Variants in SMG6 observed in about 807,000 individuals in gnomAD.
SMG6 encodes telomerase-binding protein EST1A.
SMG6 carries 66 observed loss-of-function variants against 142.2 expected under a neutral mutation model. The ratio of observed to expected loss-of-function variants is 0.46; its 90% CI spans 0.38 to 0.57. The LOEUF is 0.57. Ranked by LOEUF, SMG6 falls within the 20% of genes least tolerant of loss-of-function variation. SMG6 has a pLI of 0.00. For synonymous variants in SMG6, 779 were observed against 702.4 expected (o/e 1.11, Z -1.72); for missense variants, 1,793 against 1,832.0 (o/e 0.98, Z 0.39).
chr17:2,144,805 A>C (rs2151583290), intron 13 of SMG6, among the ~76,000 whole-genome samples: 1 of 152,182 alleles, frequency 6.6e-6, no homozygotes, highest in African/African-American at 2.4e-5. Flanking sequence ...ATGGTCGTAA[A>C]ATGCTCACCA....
chr17:2,272,830 C>T (rs573723619), intron 8 of SMG6, among the ~76,000 whole-genome samples: 16 of 151,450 alleles, frequency 1.1e-4, no homozygotes, highest in Non-Finnish European at 2.1e-4. Flanking sequence ...CCCAGCTACT[C>T]GGGAGGCTGA....
chr17:2,073,153 G>A lies in SMG6; in HGVS notation c.3682-4222C>T, dbSNP rs375651973. Reference sequence around the variant, plus strand: ...TGCTGGAGTGTAGTGGCGTGATCTCGGCTCACTGCAATCTCTGCCTCTCAG... The same window carrying A: ...TGCTGGAGTGTAGTGGCGTGATCTCAGCTCACTGCAATCTCTGCCTCTCAG... On this transcript the variant is annotated intron_variant, in intron 15 of 18. Coordinates refer to ENST00000263073, the MANE Select transcript of SMG6 (RefSeq NM_017575.5). 2.0e-4 allele frequency among the ~76,000 whole-genome samples: 30 copies of A among 151,980 alleles called. No individual in the cohort carries two copies. The East Asian group carries it at 4.3e-3, about 22-fold the overall frequency.
Position 2,224,711 on chromosome 17 carries a change from T to C in SMG6, c.2869+11781A>G, listed in dbSNP as rs751110974. On this transcript the variant is annotated intron_variant, in intron 10 of 18. Transcript: ENST00000263073. ...GACACTAAGAGTTTTCCAAAACTGA[T>C]AGGAAAACCAACCAACCAACCAACC... 1.1e-3 allele frequency among the ~76,000 whole-genome samples: 174 copies of C among 151,672 alleles called. 1 individual carries two copies. Among genetic ancestry groups the C allele is most frequent in the East Asian group, 1.4e-3 (7 of 5,134 alleles).
chr17:2,127,797 C>T (rs2069950125), intron 13 of SMG6: 1 of 551,864 alleles, frequency 1.8e-6, no homozygotes, highest in Non-Finnish European at 3.6e-6. Flanking sequence ...ATTCACTCTT[C>T]TCCAAAGTAA....
chr17:2,254,252 G>A (rs2074113930), intron 8 of SMG6, among the ~76,000 whole-genome samples: 2 of 152,214 alleles, frequency 1.3e-5, no homozygotes, highest in African/African-American at 4.8e-5. Flanking sequence ...AGAGAGAAGA[G>A]GAAATGGCTG....
chr17:2,264,110 T>C (rs535334226), intron 8 of SMG6, among the ~76,000 whole-genome samples: 3 of 152,000 alleles, frequency 2.0e-5, no homozygotes, highest in East Asian at 3.9e-4. Context: ...CTCCTTCCTA[T>C]AGCAGCTGCA....
intron 10 of SMG6, among the ~76,000 whole-genome samples, chr17:2,206,199 A>G (rs1449713234): frequency 6.6e-6 from 1 of 152,196 alleles, no homozygotes; most frequent in Non-Finnish European, 1.5e-5. Flanking sequence ...ATATGGTGAA[A>G]CAAAATACAT....
At chr17:2,269,152 G>A (rs546275353) in intron 8 of SMG6, among the ~76,000 whole-genome samples, 8 of 149,154 alleles carry the variant, frequency 5.4e-5, no homozygotes, top group Middle Eastern at 3.5e-3. Context: ...CCTGGGAGGC[G>A]GAGCTTGCAG....
At chr17:2,226,882 C>A (rs550673230) in intron 10 of SMG6, among the ~76,000 whole-genome samples, 1 of 152,030 alleles carries the variant, frequency 6.6e-6, no homozygotes, top group Non-Finnish European at 1.5e-5. Context: ...AGCCCTGTGA[C>A]GGCAGAGTGA....
Position 2,083,064 on chromosome 17 carries a change from G to C in SMG6, c.3535-1108C>G, listed in dbSNP as rs192120572. 8.9e-4 allele frequency among the ~76,000 whole-genome samples: 135 copies of C among 152,296 alleles called. 2 individuals carry two copies. Among genetic ancestry groups the C allele is most frequent in the Non-Finnish European group, 1.6e-3 (107 of 68,032 alleles). On this transcript the variant is annotated intron_variant, in intron 14 of 18. Coordinates refer to ENST00000263073, the MANE Select transcript of SMG6 (RefSeq NM_017575.5). ...CAGGGTCACATGGCTAGTAAAGGCA[G>C]AACAGGGATTGAAGCCCAAGTGAAT...
At chr17:2,173,250 T>C in intron 12 of SMG6, 1 of 251,784 alleles carries the variant, frequency 4.0e-6, no homozygotes, top group South Asian at 5.4e-5. Context: ...GCCAAGTACA[T>C]GCCACACAGA....
At chr17:2,242,950 C>T (rs2073846318) in intron 9 of SMG6, among the ~76,000 whole-genome samples, 1 of 152,116 alleles carries the variant, frequency 6.6e-6, no homozygotes, top group South Asian at 2.1e-4. Flanking sequence ...TTTTATAATT[C>T]ATTCATTTGT....
chr17:2,250,966 C>T (rs2074033874), intron 8 of SMG6, among the ~76,000 whole-genome samples: 1 of 152,108 alleles, frequency 6.6e-6, no homozygotes, highest in Admixed American at 6.6e-5. Context: ...GATAGGGTCT[C>T]TGATGCCAAG....
rs1567668347 is a variant in SMG6, at chr17:2,186,849, G to A, written c.2987-18C>T. ...CAGCTGAGCTGCAGAGGCAAAGGGTGAGAACTGGGCCTATGTCTGCTGTAG... is the reference window on the plus strand; with the variant it reads ...CAGCTGAGCTGCAGAGGCAAAGGGTAAGAACTGGGCCTATGTCTGCTGTAG... On this transcript the variant is annotated intron_variant, in intron 11 of 18. Coordinates refer to ENST00000263073, the MANE Select transcript of SMG6 (RefSeq NM_017575.5). 5 of 1,612,986 alleles carry A rather than the reference G, an allele frequency of 3.1e-6. No homozygotes were observed. Among genetic ancestry groups the A allele is most frequent in the South Asian group, 1.1e-5 (1 of 90,796 alleles).
At chr17:2,301,929 T>C (rs2075287322) in intron 1 of SMG6, among the ~76,000 whole-genome samples, 1 of 152,048 alleles carries the variant, frequency 6.6e-6, no homozygotes, top group South Asian at 2.1e-4. Flanking sequence ...GGGAGAATAT[T>C]ATCAAGTACA....
intron 13 of SMG6, among the ~76,000 whole-genome samples, chr17:2,110,593 G>C (rs1316588215): frequency 6.6e-6 from 1 of 152,304 alleles, no homozygotes; most frequent in South Asian, 2.1e-4. Flanking sequence ...CTGATGGAAA[G>C]ATCTGGCGGA....
At chr17:2,116,124 G>A (rs922294895) in intron 13 of SMG6, among the ~76,000 whole-genome samples, 1 of 152,060 alleles carries the variant, frequency 6.6e-6, no homozygotes, top group Non-Finnish European at 1.5e-5. Context: ...AGGCTAGAGT[G>A]CAGTGGCATG....
At chr17:2,132,109 G>A (rs545921958) in intron 13 of SMG6, among the ~76,000 whole-genome samples, 1 of 152,158 alleles carries the variant, frequency 6.6e-6, no homozygotes, top group African/African-American at 2.4e-5. Flanking sequence ...TTGAACTCGA[G>A]CAATCCTCCT....
intron 6 of SMG6, among the ~76,000 whole-genome samples, chr17:2,290,755 A>G (rs1383232910): frequency 1.3e-5 from 2 of 152,244 alleles, no homozygotes; most frequent in African/African-American, 4.8e-5. Context: ...TAAATAAGGG[A>G]AAAAACTCAA....
Sources: gnomAD v4.1 joint callset for allele counts (sites outside exome capture counted in the v4.1 genomes callset) on GRCh38, gnomAD v4.1.1 for gene constraint, MANE v1.5 for transcripts, NCBI Gene and HGNC (gene_info 2026-07-23, HGNC 2026-07-21) for gene names.